Variants in TTC1 observed in about 807,000 individuals in gnomAD.
TTC1 encodes the protein tetratricopeptide repeat domain 1, also known as tetratricopeptide repeat protein 1.
TTC1 carries 31 observed loss-of-function variants against 37.6 expected under a neutral mutation model. That is an observed-to-expected ratio of 0.82 (90% CI 0.62 to 1.11). TTC1 has a LOEUF of 1.11. Among genes scored for constraint, TTC1 ranks in the 50% most tolerant of loss-of-function variants. The pLI, the probability that TTC1 is intolerant of heterozygous loss-of-function variation, is 0.00. For synonymous variants in TTC1, 127 were observed against 122.4 expected (o/e 1.04, Z -0.25); for missense variants, 351 against 339.0 (o/e 1.04, Z -0.28).
intron 2 of TTC1, among the ~76,000 whole-genome samples, chr5:160,016,286 G>C (rs937478647): frequency 6.6e-6 from 1 of 152,156 alleles, no homozygotes; most frequent in Non-Finnish European, 1.5e-5. Flanking sequence ...GCTGAGGCAC[G>C]AGAATTGCTT....
At chr5:160,061,665 T>C (rs1753412384) in intron 7 of TTC1, 1 of 152,350 alleles carries the variant, frequency 6.6e-6, no homozygotes, top group African/African-American at 2.4e-5. Context: ...ATTTTCTTTT[T>C]TTTTTTCCCC....
At chr5:160,062,921 T>C (rs1247164060) in intron 7 of TTC1, among the ~76,000 whole-genome samples, 1 of 151,918 alleles carries the variant, frequency 6.6e-6, no homozygotes, top group Non-Finnish European at 1.5e-5. Context: ...TTTCTCTTGC[T>C]TGTTGTGAGC....
intron 4 of TTC1, among the ~76,000 whole-genome samples, chr5:160,040,465 T>A (rs1757068792): frequency 6.6e-6 from 1 of 152,218 alleles, no homozygotes; most frequent in Non-Finnish European, 1.5e-5. Context: ...TAAATTCACC[T>A]TGGTTTACTG....
chr5:160,052,060 G>A (rs901286893), intron 7 of TTC1, among the ~76,000 whole-genome samples: 3 of 152,208 alleles, frequency 2.0e-5, no homozygotes, highest in African/African-American at 7.2e-5. Flanking sequence ...TTGAGAGGAG[G>A]CCATTAACCT....
At chr5:160,026,472 T>C (rs1437539087) in intron 2 of TTC1, among the ~76,000 whole-genome samples, 5 of 152,222 alleles carry the variant, frequency 3.3e-5, no homozygotes, top group African/African-American at 4.8e-5. Flanking sequence ...CTTTATATAT[T>C]TTATGGTTCT....
intron 7 of TTC1, among the ~76,000 whole-genome samples, chr5:160,059,838 G>T (rs963897473): frequency 2.0e-5 from 3 of 152,150 alleles, no homozygotes; most frequent in Non-Finnish European, 4.4e-5. Context: ...AATATTATGA[G>T]AATTACCAAA....
rs115253737 is a variant in TTC1, at chr5:160,016,080, G to A, written c.330+5222G>A. ...TATTTATGTAGTATACAATGCAGTT[G>A]TTAAAGGTAAATCTTGGCCGGGTGC... On this transcript the variant is annotated intron_variant, in intron 2 of 7. Coordinates refer to ENST00000231238, the MANE Select transcript of TTC1 (RefSeq NM_003314.3). 5.6e-3 allele frequency among the ~76,000 whole-genome samples: 853 copies of A among 152,228 alleles called. 11 individuals carry two copies. Among genetic ancestry groups the A allele is most frequent in the African/African-American group, 0.02 (810 of 41,530 alleles).
At chr5:160,035,969 A>G (rs570705337) in intron 3 of TTC1, among the ~76,000 whole-genome samples, 2 of 139,572 alleles carry the variant, frequency 1.4e-5, no homozygotes, top group South Asian at 2.2e-4. Context: ...TTTTTTTCCT[A>G]TATCTTGGTT....
chr5:160,045,509 CACACATACACA>C (rs1757204664), intron 5 of TTC1, among the ~76,000 whole-genome samples: 2 of 76,088 alleles, frequency 2.6e-5, no homozygotes, highest in Non-Finnish European at 5.2e-5. Flanking sequence ...CACACACACA[CACACATACACA>C]CTCTCTCTCT....
rs866974913 is a variant in TTC1, at chr5:160,051,183, G to A, written c.745G>A (p.Gly249Ser). Reference sequence around the variant, plus strand: ...TGAAAGACTAAAAGAAGAGATGTTAGGTAAGCTTACTTCTTACTTTGCTTG... The same window carrying A: ...TGAAAGACTAAAAGAAGAGATGTTAAGTAAGCTTACTTCTTACTTTGCTTG... ...RNERLKEEML[G>S]KLKDLGNLVL... is the part of the protein sequence containing the mutation. The change falls in exon 7 of 8, where the codon GGT (glycine) becomes AGT (serine). Residue 249 changes from glycine to serine, a missense_variant and splice_region_variant. Transcript: ENST00000231238. The A allele has an allele frequency of 1.7e-5, 27 of 1,608,478 alleles. No homozygotes were observed. In the Middle Eastern group the frequency reaches 4.5e-3, roughly 267 times the overall value.
intron 7 of TTC1, among the ~76,000 whole-genome samples, chr5:160,055,267 GT>G (rs1581122427): frequency 2.0e-5 from 3 of 152,204 alleles, no homozygotes; most frequent in African/African-American, 7.2e-5. Context: ...TATATTTTTG[GT>G]TCTTCCTTGA....
At chr5:160,053,206 G>A (rs951247896) in intron 7 of TTC1, among the ~76,000 whole-genome samples, 1 of 152,168 alleles carries the variant, frequency 6.6e-6, no homozygotes, top group Non-Finnish European at 1.5e-5. Context: ...GAAGTTCTGA[G>A]CAAGCTTTTC....
At chr5:160,039,451 T>G (rs1227530346) in intron 4 of TTC1, among the ~76,000 whole-genome samples, 1 of 151,970 alleles carries the variant, frequency 6.6e-6, no homozygotes, top group African/African-American at 2.4e-5. Flanking sequence ...TATGAAAGAA[T>G]GGTAAAGTTG....
chr5:160,034,179 G>GT (rs943061345), intron 2 of TTC1, among the ~76,000 whole-genome samples: 3 of 146,182 alleles, frequency 2.1e-5, no homozygotes, highest in Admixed American at 6.9e-5. Context: ...TGTTTTTGGG[G>GT]TTTTTTTGTT....
intron 4 of TTC1, among the ~76,000 whole-genome samples, chr5:160,037,416 T>C (rs2113370864): frequency 6.6e-6 from 1 of 152,232 alleles, no homozygotes; most frequent in Admixed American, 6.5e-5. Flanking sequence ...ACCATGACCT[T>C]ATTAAAAGTT....
At chr5:160,037,156 G>C (rs1490059970) in intron 4 of TTC1, among the ~76,000 whole-genome samples, 1 of 152,114 alleles carries the variant, frequency 6.6e-6, no homozygotes. Context: ...ACATGCAAAG[G>C]CACAGGGAAA....
intron 7 of TTC1, among the ~76,000 whole-genome samples, chr5:160,062,948 A>ATGTGCCCGAGGCTGTGCCGCTGCCT (rs1753469669): frequency 1.3e-5 from 2 of 151,924 alleles, no homozygotes; most frequent in African/African-American, 4.8e-5. Context: ...CTCTACGCCC[A>ATGTGCCCGAGGCTGTGCCGCTGCCT]TGTGCCCGAG....
chr5:160,037,366 G>C (rs1386913239), intron 4 of TTC1, among the ~76,000 whole-genome samples: 1 of 152,194 alleles, frequency 6.6e-6, no homozygotes, highest in Non-Finnish European at 1.5e-5. Flanking sequence ...ATAACAAGGT[G>C]AGTATGGAAT....
rs1171411509 is a variant in TTC1, at chr5:160,057,344, G to A, written c.745+6161G>A. Among the ~76,000 whole-genome samples the A allele has an allele frequency of 6.6e-6, 1 of 151,842 alleles. No individual in the cohort carries two copies. The highest frequency in any genetic ancestry group is 1.5e-5 in the Non-Finnish European group (1 of 68,000). On this transcript the variant is annotated intron_variant, in intron 7 of 7. Coordinates refer to ENST00000231238, the MANE Select transcript of TTC1 (RefSeq NM_003314.3). The surrounding 1 kb of genome is among the most constrained non-coding windows in gnomAD (Gnocchi z 4.4). ...TCACAAGAATTTTTTGTTTCCCAGTGCATACAGAAGTTATGTTTATATAAT... is the reference window on the plus strand; with the variant it reads ...TCACAAGAATTTTTTGTTTCCCAGTACATACAGAAGTTATGTTTATATAAT...
Sources: allele counts gnomAD v4.1 joint callset (sites outside exome capture counted in the v4.1 genomes callset), GRCh38; gene constraint gnomAD v4.1.1; non-coding constraint Gnocchi (gnomAD v3.1); transcripts MANE v1.5; gene names NCBI Gene and HGNC (gene_info 2026-07-23, HGNC 2026-07-21).